KDM4C: variants seen among roughly 807,000 people sequenced by gnomAD.
KDM4C encodes the protein lysine demethylase 4C.
Under a neutral mutation model 129.3 loss-of-function variants are expected in KDM4C, and 81 were observed. The observed-to-expected ratio is 0.63, with a 90% CI of 0.52 to 0.75. The LOEUF is 0.75. Ranked by LOEUF, KDM4C falls within the 30% of genes least tolerant of loss-of-function variation. The probability of loss-of-function intolerance (pLI) is 0.00; values close to 1 mark genes in which losing one functional copy is unlikely to be tolerated. For missense variants in KDM4C, 1,457 were observed against 1,304.0 expected (o/e 1.12, Z -1.81); for synonymous variants, 573 against 456.1 (o/e 1.26, Z -3.26).
At chr9:7,037,026 C>G (rs1234184757) in intron 15 of KDM4C, among the ~76,000 whole-genome samples, 3 of 152,190 alleles carry the variant, frequency 2.0e-5, no homozygotes, top group African/African-American at 2.4e-5. Context: ...CATACCAGCT[C>G]TGTCCTTCGG....
At position 6,728,454 on chromosome 9, in the gene KDM4C, A is replaced by C. The variant is rs149181617; in HGVS notation, c.49+7457A>C. On this transcript the variant is annotated intron_variant, in intron 1 of 17. Transcript: ENST00000536108. ...GAGGCTGAGGCAGGAGAATTGCTTA[A>C]ACTCAGGAGGCAGAGGTTTCAGTGA... Among the ~76,000 whole-genome samples, 292 of 152,222 alleles carry C rather than the reference A, an allele frequency of 1.9e-3. 3 individuals carry two copies. The highest frequency in any genetic ancestry group is 5.6e-3 in the African/African-American group (234 of 41,528).
intron 7 of KDM4C, among the ~76,000 whole-genome samples, chr9:6,892,618 T>C (rs7036701): frequency 0.5 from 76,496 of 151,940 alleles, 19,380 homozygotes; most frequent in Middle Eastern, 0.63. Context: ...AAAAATAATT[T>C]GATGAATATC....
chr9:6,895,883 C>G (rs769624413), intron 8 of KDM4C, among the ~76,000 whole-genome samples: 2 of 152,074 alleles, frequency 1.3e-5, no homozygotes, highest in Non-Finnish European at 2.9e-5. Flanking sequence ...TTAATTTATA[C>G]CATCAATACT....
intron 8 of KDM4C, among the ~76,000 whole-genome samples, chr9:6,917,988 C>T (rs1820633424): frequency 6.6e-6 from 1 of 152,158 alleles, no homozygotes; most frequent in African/African-American, 2.4e-5. Flanking sequence ...TGTTATTTCT[C>T]CCATTTGAAA....
intron 18 of KDM4C, among the ~76,000 whole-genome samples, chr9:7,117,511 T>C (rs1317196646): frequency 6.6e-6 from 1 of 152,084 alleles, no homozygotes; most frequent in Non-Finnish European, 1.5e-5. Context: ...CCTTCTCATT[T>C]TATTCTCTCC....
At chr9:6,801,840 C>T (rs570743154) in intron 2 of KDM4C, among the ~76,000 whole-genome samples, 1 of 152,074 alleles carries the variant, frequency 6.6e-6, no homozygotes, top group Non-Finnish European at 1.5e-5. Context: ...CGCGGTGGCT[C>T]ATGCCTGTAA....
At chr9:6,776,326 C>G (rs1458493189) in intron 1 of KDM4C, among the ~76,000 whole-genome samples, 1 of 152,114 alleles carries the variant, frequency 6.6e-6, no homozygotes, top group Non-Finnish European at 1.5e-5. Flanking sequence ...TGCAGTGGCA[C>G]GATCTCGGCT....
chr9:7,076,554 G>C (rs577339132), intron 17 of KDM4C: 1 of 1,527,094 alleles, frequency 6.5e-7, no homozygotes, highest in Admixed American at 2.0e-5. Context: ...TTCAGATGCT[G>C]TTTCTCATTC....
chr9:6,782,035 G>A (rs778525015), intron 1 of KDM4C, among the ~76,000 whole-genome samples: 9 of 151,956 alleles, frequency 5.9e-5, no homozygotes, highest in Non-Finnish European at 1.2e-4. Context: ...ATGTTGGCCC[G>A]GCTGGTCTCG....
At chr9:6,771,080 C>CA (rs1821734853) in intron 1 of KDM4C, among the ~76,000 whole-genome samples, 4 of 56,952 alleles carry the variant, frequency 7.0e-5, no homozygotes, top group African/African-American at 3.0e-4. Flanking sequence ...GACTGTGAAT[C>CA]TTTTTTTTTT....
chr9:6,941,975 A>G lies in KDM4C; in HGVS notation c.922-38950A>G, dbSNP rs185824126. On this transcript the variant is annotated intron_variant, in intron 8 of 21. Coordinates refer to ENST00000381309, the MANE Select transcript of KDM4C (RefSeq NM_015061.6). ...GTTTGAGTATCACAAGATTTCACAT[A>G]ACCATATGGATTTACATGTTGTCTT... is the stretch of plus-strand genomic sequence containing the variant. Among the ~76,000 whole-genome samples the G allele has an allele frequency of 1.2e-3, 190 of 152,292 alleles. 1 individual carries two copies. The highest frequency in any genetic ancestry group is 3.4e-3 in the African/African-American group (143 of 41,548).
At chr9:7,045,601 T>C (rs561035766) in intron 15 of KDM4C, among the ~76,000 whole-genome samples, 2 of 152,146 alleles carry the variant, frequency 1.3e-5, no homozygotes, top group South Asian at 2.1e-4. Flanking sequence ...GGCTTTGTGG[T>C]ATGGATAGAG....
intron 8 of KDM4C, among the ~76,000 whole-genome samples, chr9:6,895,061 A>T (rs1846648293): frequency 6.6e-6 from 1 of 152,162 alleles, no homozygotes; most frequent in African/African-American, 2.4e-5. Context: ...AATTGCTCTA[A>T]CTGAATGTAT....
intron 1 of KDM4C, among the ~76,000 whole-genome samples, chr9:6,761,700 G>A (rs1819540760): frequency 6.6e-6 from 1 of 152,160 alleles, no homozygotes; most frequent in African/African-American, 2.4e-5. Flanking sequence ...TCTATATTTA[G>A]TGATAAGATA....
intron 14 of KDM4C, 172 bp downstream of exon 14, chr9:7,014,173 C>G: frequency 1.7e-6 from 1 of 576,678 alleles, no homozygotes; most frequent in East Asian, 2.8e-5. Flanking sequence ...GTATATTCAT[C>G]CTTTTTTCAC....
intron 5 of KDM4C, among the ~76,000 whole-genome samples, chr9:6,865,683 C>T (rs1841819667): frequency 6.6e-6 from 1 of 152,172 alleles, no homozygotes; most frequent in African/African-American, 2.4e-5. Context: ...TCTGCTGCCT[C>T]AGCCCTCCGT....
chr9:7,026,244 CATTTATTGTAGGATAGGTATG>C (rs1351582387), intron 15 of KDM4C, among the ~76,000 whole-genome samples: 5 of 151,654 alleles, frequency 3.3e-5, no homozygotes, highest in Non-Finnish European at 7.4e-5. Flanking sequence ...CTCCCTTTAG[CATTTATTGTAGGATAGGTATG>C]ATGTTTATGA....
intron 8 of KDM4C, among the ~76,000 whole-genome samples, chr9:6,950,378 T>C (rs888605691): frequency 6.6e-6 from 1 of 152,194 alleles, no homozygotes; most frequent in Non-Finnish European, 1.5e-5. Flanking sequence ...CTAGGCTTTT[T>C]TGTTTTTGGT....
rs559695295 is a variant in KDM4C, at chr9:6,803,638, G to T, written c.145-1961G>T. On this transcript the variant is annotated intron_variant, in intron 2 of 21. Coordinates refer to ENST00000381309, the MANE Select transcript of KDM4C (RefSeq NM_015061.6). ...TCTAAAGGTGGTAAAGTGGCCAGGTGCAGTGACTATTGCCTGTAATTCCAG... is the reference window on the plus strand; with the variant it reads ...TCTAAAGGTGGTAAAGTGGCCAGGTTCAGTGACTATTGCCTGTAATTCCAG... Among the ~76,000 whole-genome samples, 14 of 151,412 alleles carry T rather than the reference G, an allele frequency of 9.2e-5. No individual in the cohort carries two copies. In the Middle Eastern group the frequency reaches 0.017, roughly 185 times the overall value.
Sources: allele counts gnomAD v4.1 joint callset (sites outside exome capture counted in the v4.1 genomes callset), GRCh38; gene constraint gnomAD v4.1.1; transcripts MANE v1.5; gene names NCBI Gene and HGNC (gene_info 2026-07-23, HGNC 2026-07-21).